Variants in RSAD1 observed in about 807,000 individuals in gnomAD.
RSAD1 encodes radical S-adenosyl methionine domain containing 1, also known as radical S-adenosyl methionine domain-containing protein 1, mitochondrial.
Under a neutral mutation model 46.2 loss-of-function variants are expected in RSAD1, and 34 were observed. That is an observed-to-expected ratio of 0.74 (90% CI 0.56 to 0.98). RSAD1 has a LOEUF of 0.98. Ranked by LOEUF, RSAD1 falls within the 50% of genes least tolerant of loss-of-function variation. The probability of loss-of-function intolerance (pLI) is 0.00; values close to 1 mark genes in which losing one functional copy is unlikely to be tolerated. For synonymous variants in RSAD1, 260 were observed against 253.5 expected, an observed-to-expected ratio of 1.03 and a Z score of -0.24; for missense variants, 635 against 592.3, an observed-to-expected ratio of 1.07 and a Z score of -0.75.
At chr17:50,484,362 C>G (rs1315255530) in intron 7 of RSAD1, 80 bp from the exon 8 acceptor site, 3 of 1,276,406 alleles carry the variant, frequency 2.4e-6, no homozygotes, top group Non-Finnish European at 3.3e-6. Flanking sequence ...TGGACCCTCC[C>G]CCACCTCTCA....
At position 50,482,189 on chromosome 17, in the gene RSAD1, CGT is replaced by C. The variant is rs750952217; in HGVS notation, c.576_577del (p.Ser193CysfsTer27). Reference sequence around the variant, plus strand: ...AGGCCCGGCGCCTCTTTCCCGGGCGCGTGTCTGTAGACTTGATGCTGGGGCTG... The same window carrying C: ...AGGCCCGGCGCCTCTTTCCCGGGCGCGTCTGTAGACTTGATGCTGGGGCTG... ...AEARRLFPGR[V>X]SVDLMLGLPA... On this transcript the variant is annotated frameshift_variant, in exon 4 of 9. Coordinates refer to ENST00000258955, the MANE Select transcript of RSAD1 (RefSeq NM_018346.3). LOFTEE classifies it high-confidence loss of function. 6.3e-6 allele frequency: 10 copies of C among 1,576,592 alleles called. No individual in the cohort carries two copies. The highest frequency in any genetic ancestry group is 8.6e-6 in the Non-Finnish European group (10 of 1,159,102).
At chr17:50,479,123 C>T in intron 1 of RSAD1, 104 bp downstream of exon 1, 1 of 1,201,248 alleles carries the variant, frequency 8.3e-7, no homozygotes, top group East Asian at 3.2e-5. Context: ...ATGAACCCGC[C>T]TGCCGTGTTT....
At chr17:50,479,457 GGATGTAATAACCCCAGTGC>G in intron 1 of RSAD1, 153 bp from the exon 2 acceptor site, 1 of 685,724 alleles carries the variant, frequency 1.5e-6, no homozygotes, top group Non-Finnish European at 2.4e-6. Flanking sequence ...ACATTGAAGT[GGATGTAATAACCCCAGTGC>G]GACCTGCCTT....
intron 1 of RSAD1, 72 bp downstream of exon 1, chr17:50,479,091 C>T (rs1441410158): frequency 1.6e-6 from 2 of 1,263,804 alleles, no homozygotes; most frequent in Non-Finnish European, 2.0e-6. Flanking sequence ...CGTCCAAAAC[C>T]CAGGTGGCGG....
intron 3 of RSAD1, among the ~76,000 whole-genome samples, chr17:50,481,326 G>A (rs2033378085): frequency 6.6e-6 from 1 of 152,246 alleles, no homozygotes; most frequent in Non-Finnish European, 1.5e-5. Flanking sequence ...TCTGTAATTG[G>A]ATTGCAGTTA....
At chr17:50,480,930 A>T (rs1222188646) in intron 3 of RSAD1, among the ~76,000 whole-genome samples, 1 of 152,222 alleles carries the variant, frequency 6.6e-6, no homozygotes, top group African/African-American at 2.4e-5. Context: ...ACAGCATGAG[A>T]TCTACCGTCT....
Position 50,483,334 on chromosome 17 carries a change from T to C in RSAD1, c.905-6T>C. The C allele has an allele frequency of 6.2e-7, 1 of 1,613,372 alleles. No homozygotes were observed. Among genetic ancestry groups the C allele is most frequent in the Non-Finnish European group, 8.5e-7 (1 of 1,179,580 alleles). On this transcript the variant is annotated splice_polypyrimidine_tract_variant and splice_region_variant and intron_variant, in intron 5 of 8. Transcript: ENST00000258955. ...TTAATGTGGGGATGGTTGTTGATGT[T>C]GTCAGGGGCCCATGGACGATTTATG...
At chr17:50,484,352 TG>T in intron 7 of RSAD1, 89 bp from the exon 8 acceptor site, 1 of 1,132,048 alleles carries the variant, frequency 8.8e-7, no homozygotes, top group African/African-American at 1.5e-5. Context: ...CATGCTGAAC[TG>T]GACCCTCCCC....
Position 50,483,455 on chromosome 17 carries a change from CCGG to C in RSAD1, c.1021_1023del (p.Arg341del), listed in dbSNP as rs771842970. 26 of 1,613,200 alleles carry C rather than the reference CCGG, an allele frequency of 1.6e-5. No individual in the cohort carries two copies. The highest frequency in any genetic ancestry group is 2.2e-5 in the Non-Finnish European group (26 of 1,179,716). ...AGGTGATGCTGTTTGGCCATGGCAC[CCGG>C]AAGCGTGTCCCCCTGGGCAGGCTGG... On this transcript the variant is annotated inframe_deletion, in exon 6 of 9. Transcript: ENST00000258955.
chr17:50,483,244 G>T, intron 5 of RSAD1, 96 bp from the exon 6 acceptor site: 3 of 1,076,622 alleles, frequency 2.8e-6, no homozygotes, highest in Middle Eastern at 2.3e-4. Flanking sequence ...TTTCCAGTAT[G>T]TTAGAGGCAG....
chr17:50,479,037 C>G lies in RSAD1; in HGVS notation c.135+18C>G. Reference sequence around the variant, plus strand: ...ACGTACACGTGAGTAGGGGCGGGGGCGGAGCCCACGGTGTGTGGCCGCAGC... The same window carrying G: ...ACGTACACGTGAGTAGGGGCGGGGGGGGAGCCCACGGTGTGTGGCCGCAGC... On this transcript the variant is annotated intron_variant, in intron 1 of 8. Transcript: ENST00000258955. The G allele has an allele frequency of 7.6e-7, 1 of 1,319,780 alleles. No individual in the cohort carries two copies. The highest frequency in any genetic ancestry group is 3.1e-5 in the East Asian group (1 of 32,610). 81.8% of individuals were successfully genotyped at this position (1,319,780 alleles called of 1,614,324 possible).
Position 50,478,975 on chromosome 17 carries a change from C to G in RSAD1, c.91C>G (p.Pro31Ala). 1 of 1,402,032 alleles carries G rather than the reference C, an allele frequency of 7.1e-7. No homozygotes were observed. The highest frequency in any genetic ancestry group is 9.2e-7 in the Non-Finnish European group (1 of 1,084,078). The allele number at this position is 1,402,032 out of a possible 1,614,324, so 86.8% of individuals were successfully genotyped here. The change falls in exon 1 of 9, where the codon CCG (proline) becomes GCG (alanine). Residue 31 changes from proline to alanine, a missense_variant. Pro to Ala is a conservative substitution (Grantham distance 27). Coordinates refer to ENST00000258955, the MANE Select transcript of RSAD1 (RefSeq NM_018346.3). ...CCGCGTGGAGAACGCAGGAGGGTCCCCGAGTCCTGAGCCTGCGGGCCGGCG... is the reference window on the plus strand; with the variant it reads ...CCGCGTGGAGAACGCAGGAGGGTCCGCGAGTCCTGAGCCTGCGGGCCGGCG... Reference protein sequence around the residue: ...RRRVENAGGSPSPEPAGRRAA... With the variant: ...RRRVENAGGSASPEPAGRRAA...
chr17:50,480,847 C>T (rs1001777657), intron 3 of RSAD1, among the ~76,000 whole-genome samples: 21 of 152,052 alleles, frequency 1.4e-4, no homozygotes, highest in Admixed American at 9.8e-4. Flanking sequence ...TACCCCAAAG[C>T]GCATATCTTG....
intron 3 of RSAD1, 124 bp from the exon 4 acceptor site, chr17:50,481,967 C>A: frequency 8.4e-7 from 1 of 1,194,864 alleles, no homozygotes; most frequent in Non-Finnish European, 1.1e-6. Flanking sequence ...TTGACCTTCC[C>A]CCTCCTGCCT....
intron 3 of RSAD1, among the ~76,000 whole-genome samples, chr17:50,481,120 A>C (rs779557649): frequency 4.6e-5 from 7 of 152,248 alleles, no homozygotes; most frequent in Non-Finnish European, 8.8e-5. Flanking sequence ...ATTCTTCAAA[A>C]ATGCCAGTGT....
At chr17:50,479,810 G>T in intron 2 of RSAD1, 48 bp downstream of exon 2, 1 of 1,589,736 alleles carries the variant, frequency 6.3e-7, no homozygotes, top group South Asian at 1.2e-5. Context: ...ATTTGGAGGA[G>T]TGGTGGGGGA....
rs1332209873 is a variant in RSAD1, at chr17:50,483,381, A to C, written c.946A>C (p.Thr316Pro). Residue 316 changes from threonine to proline, a missense_variant, in exon 6 of 9, where the codon ACC (threonine) becomes CCC (proline). Transcript: ENST00000258955. ...RFMPQGAGGH[T>P]REARIQTLEP... is the part of the protein sequence containing the mutation. ...TATGCCCCAGGGGGCTGGAGGCCAC[A>C]CCCGGGAGGCTCGGATCCAGACACT... 9.3e-6 allele frequency: 15 copies of C among 1,613,788 alleles called. No homozygotes were observed. The highest frequency in any genetic ancestry group is 1.2e-5 in the Non-Finnish European group (14 of 1,179,978).
At chr17:50,484,117 A>G in intron 7 of RSAD1, 1 of 437,178 alleles carries the variant, frequency 2.3e-6, no homozygotes. Flanking sequence ...TAGGAAGCAC[A>G]GTAGATAATT....
rs200276549 is a variant in RSAD1, at chr17:50,480,063, C to T, written c.453C>T (p.Asn151=). The change falls in exon 3 of 9, where the codon AAC becomes AAT. Residue 151 remains asparagine (N), a synonymous_variant. Transcript: ENST00000258955. The stretch of plus-strand genomic sequence containing the variant: ...CAGAGTTCGGGGCAGCAGGGGTTAA[C>T]AGGTTGTCTATAGGCCTCCAGGTAA... ...RLAEFGAAGV[N]RLSIGLQSLD... 10 of 1,614,076 alleles carry T rather than the reference C, an allele frequency of 6.2e-6. No homozygotes were observed. The African/African-American group carries it at 8.0e-5, about 13-fold the overall frequency.
Sources: gnomAD v4.1 joint callset for allele counts (sites outside exome capture counted in the v4.1 genomes callset) on GRCh38, gnomAD v4.1.1 for gene constraint, MANE v1.5 for transcripts, NCBI Gene and HGNC (gene_info 2026-07-23, HGNC 2026-07-21) for gene names.